The following PLEKHA8 variants were observed in gnomAD, a reference collection of about 807,000 sequenced individuals.
PLEKHA8 encodes the protein pleckstrin homology domain-containing family A member 8.
In PLEKHA8, 36 loss-of-function variants were observed where a neutral mutation model predicts 68.2. The ratio of observed to expected loss-of-function variants is 0.53; its 90% CI spans 0.40 to 0.70. The LOEUF (loss-of-function observed/expected upper bound fraction) is 0.70. Among genes scored for constraint, PLEKHA8 ranks in the 30% least tolerant of loss-of-function variants. PLEKHA8 has a pLI of 0.00. For missense variants in PLEKHA8, 505 were observed against 615.4 expected, an observed-to-expected ratio of 0.82 and a Z score of 1.90; for synonymous variants, 211 against 216.1, an observed-to-expected ratio of 0.98 and a Z score of 0.20.
At chr7:30,041,820 CTT>C (rs906392213) in intron 1 of PLEKHA8, among the ~76,000 whole-genome samples, 3 of 151,332 alleles carry the variant, frequency 2.0e-5, no homozygotes, top group Non-Finnish European at 3.0e-5. Flanking sequence ...TTAGGACACT[CTT>C]TTTTTTTCAC....
chr7:30,104,072 A>C (rs1795971894), intron 13 of PLEKHA8, among the ~76,000 whole-genome samples: 1 of 152,248 alleles, frequency 6.6e-6, no homozygotes, highest in Non-Finnish European at 1.5e-5. Context: ...AAAAGACCAC[A>C]TACAAATGCC....
downstream of PLEKHA8, among the ~76,000 whole-genome samples, chr7:30,087,394 CAG>C (rs1795225363): frequency 6.6e-6 from 1 of 152,168 alleles, no homozygotes; most frequent in African/African-American, 2.4e-5. Context: ...GCTGTGGTCT[CAG>C]AGCTCCAATC....
At chr7:30,117,088 A>C (rs1489822128) in intron 13 of PLEKHA8, among the ~76,000 whole-genome samples, 14 of 152,232 alleles carry the variant, frequency 9.2e-5, no homozygotes, top group Non-Finnish European at 4.4e-5. Flanking sequence ...TGTGGAAGGC[A>C]GATTGAACGT....
intron 7 of PLEKHA8, among the ~76,000 whole-genome samples, chr7:30,054,131 A>G (rs901738949): frequency 7.2e-5 from 11 of 152,212 alleles, no homozygotes; most frequent in African/African-American, 2.4e-4. Flanking sequence ...AAACATGCAT[A>G]AAATGTGGCA....
At position 30,123,530 on chromosome 7, in the gene PLEKHA8, G is replaced by A. The variant is rs575779600; in HGVS notation, c.1363-5736G>A. Among the ~76,000 whole-genome samples, 21 of 152,328 alleles carry A rather than the reference G, an allele frequency of 1.4e-4. 1 individual carries two copies. The East Asian group carries it at 4.0e-3, about 29-fold the overall frequency. Reference sequence around the variant, plus strand: ...AGAGTATCACAGACCTCTAGCATCAGTGATTGGCTCAGAGGTGGGCTTCAG... The same window carrying A: ...AGAGTATCACAGACCTCTAGCATCAATGATTGGCTCAGAGGTGGGCTTCAG... On this transcript the variant is annotated intron_variant, in intron 13 of 13. Transcript: ENST00000396257.
intron 1 of PLEKHA8, among the ~76,000 whole-genome samples, chr7:30,038,890 G>C (rs953252764): frequency 3.3e-5 from 5 of 151,548 alleles, no homozygotes; most frequent in African/African-American, 1.2e-4. Flanking sequence ...ACTTAAAAAT[G>C]GTGGTTGCTG....
In PLEKHA8 at chr7:30,090,292, C is replaced by T. The variant is rs1795363457; in HGVS notation, c.*117C>T. On this transcript the variant is annotated 3_prime_UTR_variant, in exon 13 of 13. Transcript: ENST00000258679. ...CCTCAAACTTCCTTTCCACAAGATT[C>T]TGTGACGGGAAACAATGGGGGAGTA... The T allele has an allele frequency of 3.9e-6, 5 of 1,279,568 alleles. No individual in the cohort carries two copies. In the East Asian group the frequency reaches 1.3e-4, roughly 33 times the overall value. The allele number at this position is 1,279,568 out of a possible 1,614,324, so 79.3% of individuals were successfully genotyped here. A position where few individuals can be genotyped will look rare whatever the true frequency, so the allele number is the denominator to read the frequency against.
chr7:30,035,187 C>T (rs1420629364), intron 1 of PLEKHA8, among the ~76,000 whole-genome samples: 2 of 152,126 alleles, frequency 1.3e-5, no homozygotes, highest in African/African-American at 2.4e-5. Flanking sequence ...GAACTTTTGC[C>T]CCACTACTTA....
chr7:30,097,115 G>A (rs1035257626), intron 13 of PLEKHA8, among the ~76,000 whole-genome samples: 1 of 152,040 alleles, frequency 6.6e-6, no homozygotes. Flanking sequence ...TGAAATTCTG[G>A]GTTGAAAATT....
intron 13 of PLEKHA8, among the ~76,000 whole-genome samples, chr7:30,116,584 C>G (rs1189313260): frequency 6.6e-6 from 1 of 152,206 alleles, no homozygotes; most frequent in Non-Finnish European, 1.5e-5. Context: ...AATAGCTGCA[C>G]TAAGAGCCCT....
intron 13 of PLEKHA8, among the ~76,000 whole-genome samples, chr7:30,075,585 G>A (rs1433408758): frequency 6.6e-6 from 1 of 152,170 alleles, no homozygotes; most frequent in African/African-American, 2.4e-5. Context: ...CTGCAGTGAA[G>A]ACACAATCAC....
intron 12 of PLEKHA8, among the ~76,000 whole-genome samples, chr7:30,072,389 G>A (rs1291993444): frequency 6.6e-6 from 1 of 152,200 alleles, no homozygotes; most frequent in Non-Finnish European, 1.5e-5. Context: ...ATTTGAATAT[G>A]TAAAATTGAA....
downstream of PLEKHA8, among the ~76,000 whole-genome samples, chr7:30,086,997 A>G (rs1660719350): frequency 1.3e-5 from 2 of 152,226 alleles, no homozygotes; most frequent in Admixed American, 1.3e-4. Flanking sequence ...CACTGAGGAC[A>G]CAGATCACGT....
intron 1 of PLEKHA8, among the ~76,000 whole-genome samples, chr7:30,037,688 CT>C (rs1422239894): frequency 2.6e-5 from 4 of 151,476 alleles, no homozygotes; most frequent in East Asian, 1.9e-4. Flanking sequence ...CTTTCCTTCA[CT>C]TTTTTTCTTT....
At chr7:30,043,461 A>C (rs1036801541) in intron 1 of PLEKHA8, among the ~76,000 whole-genome samples, 1 of 152,212 alleles carries the variant, frequency 6.6e-6, no homozygotes, top group African/African-American at 2.4e-5. Context: ...TAATAAGAGC[A>C]AAAGCCATAG....
intron 2 of PLEKHA8, among the ~76,000 whole-genome samples, chr7:30,045,636 A>G (rs1301951758): frequency 6.6e-5 from 10 of 152,230 alleles, no homozygotes; most frequent in Non-Finnish European, 1.3e-4. Context: ...GTCTTGAGAC[A>G]TGCTGAGAAG....
downstream of PLEKHA8, among the ~76,000 whole-genome samples, chr7:30,093,126 T>C (rs1168055737): frequency 1.3e-5 from 2 of 152,122 alleles, no homozygotes; most frequent in East Asian, 1.9e-4. Context: ...CAGAAGAAAA[T>C]TGAGAAACAT....
intron 12 of PLEKHA8, among the ~76,000 whole-genome samples, chr7:30,064,361 A>G (rs1031858158): frequency 6.6e-6 from 1 of 152,168 alleles, no homozygotes; most frequent in African/African-American, 2.4e-5. Flanking sequence ...AGACCAGCCT[A>G]TGCAACACGG....
intron 13 of PLEKHA8, among the ~76,000 whole-genome samples, chr7:30,097,489 T>C (rs1344364993): frequency 1.3e-5 from 2 of 152,322 alleles, no homozygotes; most frequent in Non-Finnish European, 1.5e-5. Flanking sequence ...TTGGTCTTTT[T>C]ACATAGTCCC....
Sources: gnomAD v4.1 joint callset for allele counts (sites outside exome capture counted in the v4.1 genomes callset) on GRCh38, gnomAD v4.1.1 for gene constraint, MANE v1.5 for transcripts, NCBI Gene and HGNC (gene_info 2026-07-23, HGNC 2026-07-21) for gene names.